ARB2A: variants seen among roughly 807,000 people sequenced by gnomAD.
ARB2A encodes the protein cotranscriptional regulator ARB2A.
chr5:93,933,658 G>C, the ARB2A span, among the ~76,000 whole-genome samples: 21 of 152,068 alleles, frequency 1.4e-4, no homozygotes, highest in South Asian at 8.3e-4. Context: ...GTTAGGGGGT[G>C]GGGGGCTAGG....
chr5:93,844,451 A>C, the ARB2A span, among the ~76,000 whole-genome samples: 19 of 152,280 alleles, frequency 1.2e-4, no homozygotes, highest in Admixed American at 7.8e-4. Context: ...CAAAAGAAAA[A>C]AAAAATCAAA....
chr5:93,634,675 T>TTTA, the ARB2A span, among the ~76,000 whole-genome samples: 1,207 of 152,342 alleles, frequency 7.9e-3, 15 homozygotes, highest in African/African-American at 0.027. Context: ...AAACTTTAAG[T>TTTA]GTTCATGAGC....
the ARB2A span, among the ~76,000 whole-genome samples, chr5:93,830,424 T>C: frequency 5.3e-5 from 8 of 149,784 alleles, no homozygotes; most frequent in African/African-American, 2.0e-4. Context: ...ATGATAAGTA[T>C]GCCATGATCC....
chr5:93,841,836 T>C, the ARB2A span, among the ~76,000 whole-genome samples: 1 of 152,208 alleles, frequency 6.6e-6, no homozygotes, highest in Admixed American at 6.5e-5. Context: ...GTGTTGCTTA[T>C]GTATCTAACA....
chr5:93,772,311 T>C, the ARB2A span, among the ~76,000 whole-genome samples: 3 of 151,192 alleles, frequency 2.0e-5, no homozygotes, highest in Admixed American at 6.6e-5. Context: ...TGTTGTGGGG[T>C]GGGTGGAGCG....
At chr5:93,716,460 T>C in the ARB2A span, among the ~76,000 whole-genome samples, 1 of 152,104 alleles carries the variant, frequency 6.6e-6, no homozygotes, top group Non-Finnish European at 1.5e-5. Flanking sequence ...AATGTAAACA[T>C]CCTACAAATG....
At chr5:94,033,492 T>G in the ARB2A span, among the ~76,000 whole-genome samples, 2 of 152,178 alleles carry the variant, frequency 1.3e-5, no homozygotes, top group Admixed American at 6.5e-5. Context: ...TGGTGTGATC[T>G]CAGCTCACAG....
At chr5:93,705,633 G>A in the ARB2A span, among the ~76,000 whole-genome samples, 1,823 of 147,538 alleles carry the variant, frequency 0.012, 41 homozygotes, top group African/African-American at 0.044. Flanking sequence ...GTGTGTGTGT[G>A]TGTGTGTGTG....
chr5:93,844,132 C>CA, the ARB2A span, among the ~76,000 whole-genome samples: 125 of 140,570 alleles, frequency 8.9e-4, no homozygotes, highest in African/African-American at 1.3e-3. Context: ...AAAAAAAAAA[C>CA]AAAAAAAAAA....
chr5:93,872,794 G>A, the ARB2A span, among the ~76,000 whole-genome samples: 1 of 152,106 alleles, frequency 6.6e-6, no homozygotes, highest in Non-Finnish European at 1.5e-5. Flanking sequence ...GCAGGTGCCT[G>A]TAGTCCCAGC....
At chr5:94,025,724 T>TGTTA in the ARB2A span, among the ~76,000 whole-genome samples, 1 of 152,210 alleles carries the variant, frequency 6.6e-6, no homozygotes, top group African/African-American at 2.4e-5. Flanking sequence ...ACTGAATGAA[T>TGTTA]GTTAGTACTG....
chr5:93,670,517 T>C, the ARB2A span, among the ~76,000 whole-genome samples: 2 of 152,210 alleles, frequency 1.3e-5, no homozygotes, highest in African/African-American at 4.8e-5. Context: ...GTAAAGGAAA[T>C]ATATTCAGCA....
the ARB2A span, among the ~76,000 whole-genome samples, chr5:93,821,405 A>G: frequency 6.6e-6 from 1 of 152,162 alleles, no homozygotes; most frequent in African/African-American, 2.4e-5. Flanking sequence ...ACTGTCTGAC[A>G]TGTGTAATGC....
the ARB2A span, among the ~76,000 whole-genome samples, chr5:93,931,216 A>G: frequency 1.3e-5 from 2 of 152,176 alleles, no homozygotes; most frequent in African/African-American, 2.4e-5. Context: ...CTGTAATCCC[A>G]GCACTTTGGG....
the ARB2A span, among the ~76,000 whole-genome samples, chr5:93,781,641 A>G: frequency 6.6e-6 from 1 of 151,828 alleles, no homozygotes; most frequent in African/African-American, 2.4e-5. Context: ...GTACTAATTT[A>G]CATTCCCACC....
chr5:94,095,367 C>A, the ARB2A span, among the ~76,000 whole-genome samples: 2 of 152,128 alleles, frequency 1.3e-5, no homozygotes, highest in Non-Finnish European at 2.9e-5. Flanking sequence ...ATAAGAGTAA[C>A]CATTCAATAG....
At chr5:93,855,689 A>G in the ARB2A span, among the ~76,000 whole-genome samples, 3 of 152,142 alleles carry the variant, frequency 2.0e-5, no homozygotes, top group Admixed American at 6.5e-5. Flanking sequence ...GCTTCTCTGT[A>G]AAGTATTTTA....
the ARB2A span, among the ~76,000 whole-genome samples, chr5:93,886,173 T>C: frequency 6.6e-6 from 1 of 151,652 alleles, no homozygotes; most frequent in Non-Finnish European, 1.5e-5. Flanking sequence ...ATAAGAAAAA[T>C]GGAAAACAGG....
At chr5:94,069,067 T>TAGATAGAC in the ARB2A span, among the ~76,000 whole-genome samples, 7 of 151,246 alleles carry the variant, frequency 4.6e-5, no homozygotes, top group Non-Finnish European at 1.0e-4. Context: ...GATAGATAGA[T>TAGATAGAC]AGATAGATAG....
Sources: gnomAD v4.1 joint callset for allele counts (sites outside exome capture counted in the v4.1 genomes callset) on GRCh38, gnomAD v4.1.1 for gene constraint, MANE v1.5 for transcripts, NCBI Gene and HGNC (gene_info 2026-07-23, HGNC 2026-07-21) for gene names.